SLC17A8: variants seen among roughly 807,000 people sequenced by gnomAD.
SLC17A8 encodes the protein solute carrier family 17 member 8.
In SLC17A8, 31 loss-of-function variants were observed where a neutral mutation model predicts 58.0. That is an observed-to-expected ratio of 0.53 (90% CI 0.40 to 0.72). The LOEUF is 0.72. SLC17A8 is among the 30% of genes least tolerant of loss of function. The probability of loss-of-function intolerance (pLI) is 0.00; values close to 1 mark genes in which losing one functional copy is unlikely to be tolerated. For synonymous variants in SLC17A8, 228 were observed against 249.0 expected (o/e 0.92, Z 0.79); for missense variants, 655 against 727.8 (o/e 0.90, Z 1.15).
At chr12:100,408,170 A>C (rs535504793) in intron 9 of SLC17A8, among the ~76,000 whole-genome samples, 174 of 152,326 alleles carry the variant, frequency 1.1e-3, no homozygotes, top group African/African-American at 4.1e-3. Context: ...TCATCTGAGA[A>C]GGATCACACA....
At chr12:100,369,207 C>A (rs1952542725) in intron 1 of SLC17A8, among the ~76,000 whole-genome samples, 1 of 152,180 alleles carries the variant, frequency 6.6e-6, no homozygotes, top group African/African-American at 2.4e-5. Context: ...ACCCAGGAGG[C>A]AGACGTTGCA....
chr12:100,365,129 T>C (rs1952511166), intron 1 of SLC17A8, among the ~76,000 whole-genome samples: 1 of 152,212 alleles, frequency 6.6e-6, no homozygotes. Context: ...TTCCGTCTTA[T>C]GATGGACAGT....
In SLC17A8 at chr12:100,421,746, A is replaced by G. The variant is rs886048802; in HGVS notation, c.*1587A>G. 1 of 149,528 alleles carries G rather than the reference A, an allele frequency of 6.7e-6. No homozygotes were observed. The highest frequency in any genetic ancestry group is 3.5e-3 in the Middle Eastern group (1 of 288). The allele number at this position is 149,528 out of a possible 1,614,324, so 9.3% of individuals were successfully genotyped here. ...AGCTGAGTTGTAGTGTATTTTATAA[A>G]TGGAATAATCTTGGGGAAAAATTGC... On this transcript the variant is annotated 3_prime_UTR_variant, in exon 12 of 12. Coordinates refer to ENST00000323346, the MANE Select transcript of SLC17A8 (RefSeq NM_139319.3).
intron 1 of SLC17A8, among the ~76,000 whole-genome samples, chr12:100,361,231 A>G (rs139878297): frequency 5.8e-4 from 88 of 152,282 alleles, no homozygotes; most frequent in African/African-American, 2.0e-3. Context: ...TGCCCTTTCA[A>G]TGGCCTTCAA....
In SLC17A8 at chr12:100,420,331, AGCT is replaced by A. The variant is rs1952940100; in HGVS notation, c.*175_*177del. 6.5e-6 allele frequency: 4 copies of A among 612,918 alleles called. No individual in the cohort carries two copies. The East Asian group carries it at 1.1e-4, about 17-fold the overall frequency. The allele number at this position is 612,918 out of a possible 1,614,324, so 38.0% of individuals were successfully genotyped here. A position where few individuals can be genotyped will look rare whatever the true frequency, so the allele number is the denominator to read the frequency against. The stretch of plus-strand genomic sequence containing the variant: ...CTTTCAATGACATGTATAGGTAAGG[AGCT>A]GCGCTCAGTTGATAACATAGTTGAT... On this transcript the variant is annotated 3_prime_UTR_variant, in exon 12 of 12. Coordinates refer to ENST00000323346, the MANE Select transcript of SLC17A8 (RefSeq NM_139319.3).
intron 5 of SLC17A8, 127 bp downstream of exon 5, chr12:100,396,544 T>C: frequency 1.4e-6 from 1 of 723,412 alleles, no homozygotes; most frequent in Non-Finnish European, 2.5e-6. Flanking sequence ...AGCCCAGGAG[T>C]TCGAGATCAG....
chr12:100,387,027 T>G (rs1952680351), intron 2 of SLC17A8, among the ~76,000 whole-genome samples: 1 of 152,170 alleles, frequency 6.6e-6, no homozygotes. Flanking sequence ...CATTCAGGTT[T>G]TTTCCACGTC....
intron 2 of SLC17A8, among the ~76,000 whole-genome samples, chr12:100,381,198 A>C (rs561861577): frequency 1.3e-5 from 2 of 152,238 alleles, no homozygotes; most frequent in South Asian, 2.1e-4. Flanking sequence ...AATCCTGAGG[A>C]AACTGTTGAC....
chr12:100,400,586 CTA>C (rs947291796), intron 5 of SLC17A8, among the ~76,000 whole-genome samples: 1 of 152,162 alleles, frequency 6.6e-6, no homozygotes, highest in Non-Finnish European at 1.5e-5. Context: ...GTGATTTAAT[CTA>C]TTTCTCTGGA....
chr12:100,414,924 A>G (rs1398208062), intron 10 of SLC17A8, among the ~76,000 whole-genome samples: 1 of 152,234 alleles, frequency 6.6e-6, no homozygotes, highest in African/African-American at 2.4e-5. Context: ...CTGCTGCTGC[A>G]GGGCAGTCCA....
chr12:100,357,520 C>T (rs1952455307), intron 1 of SLC17A8, 28 bp downstream of exon 1: 1 of 1,426,336 alleles, frequency 7.0e-7, no homozygotes, highest in Non-Finnish European at 9.9e-7. Flanking sequence ...ACTTTAGTTC[C>T]TTTCTGAGTA....
chr12:100,380,595 C>T (rs1952627978), intron 1 of SLC17A8, 106 bp from the exon 2 acceptor site: 1 of 1,216,624 alleles, frequency 8.2e-7, no homozygotes, highest in Non-Finnish European at 1.2e-6. Flanking sequence ...TATGGGTCTT[C>T]CTTTTTGTTT....
At chr12:100,408,068 G>T (rs1952839482) in intron 9 of SLC17A8, among the ~76,000 whole-genome samples, 1 of 152,216 alleles carries the variant, frequency 6.6e-6, no homozygotes, top group South Asian at 2.1e-4. Flanking sequence ...AAGAATGCAG[G>T]TTGATTTGGA....
rs1465037801 is a variant in SLC17A8 at position 100,421,172 on chromosome 12, T to A, written c.*1013T>A. 1 of 152,204 alleles carries A rather than the reference T, an allele frequency of 6.6e-6. No individual in the cohort carries two copies. Among genetic ancestry groups the A allele is most frequent in the Non-Finnish European group, 1.5e-5 (1 of 68,022 alleles). The allele number at this position is 152,204 out of a possible 1,614,324, so 9.4% of individuals were successfully genotyped here. A position where few individuals can be genotyped will look rare whatever the true frequency, so the allele number is the denominator to read the frequency against. On this transcript the variant is annotated 3_prime_UTR_variant, in exon 12 of 12. Transcript: ENST00000323346. The stretch of plus-strand genomic sequence containing the variant: ...ATGTCCCAAACTACTTACAAACTTT[T>A]AAGACATTTAATAATTTAAGAAGTA...
chr12:100,377,145 G>A (rs538797807), intron 1 of SLC17A8, among the ~76,000 whole-genome samples: 18 of 152,178 alleles, frequency 1.2e-4, no homozygotes, highest in African/African-American at 4.3e-4. Flanking sequence ...TAAGTTACAC[G>A]TATTTGGTTG....
At chr12:100,384,138 A>G (rs781191448) in intron 2 of SLC17A8, among the ~76,000 whole-genome samples, 41 of 152,366 alleles carry the variant, frequency 2.7e-4, no homozygotes, top group Non-Finnish European at 5.0e-4. Context: ...GGAAAAGTCC[A>G]AAGTTCTTCC....
At chr12:100,367,236 C>T (rs1345589457) in intron 1 of SLC17A8, among the ~76,000 whole-genome samples, 1 of 152,216 alleles carries the variant, frequency 6.6e-6, no homozygotes. Context: ...AAAGAGAGAC[C>T]TTTTAATTGA....
intron 1 of SLC17A8, among the ~76,000 whole-genome samples, chr12:100,366,679 T>C (rs1952522875): frequency 6.6e-6 from 1 of 152,212 alleles, no homozygotes; most frequent in Non-Finnish European, 1.5e-5. Flanking sequence ...GTCTTTGGAT[T>C]CTGGCCTAGA....
chr12:100,373,017 T>G (rs1165701089), intron 1 of SLC17A8, among the ~76,000 whole-genome samples: 1 of 152,208 alleles, frequency 6.6e-6, no homozygotes, highest in Non-Finnish European at 1.5e-5. Context: ...GTTCTTTAAG[T>G]GCCTAAGGAC....
Sources: allele counts gnomAD v4.1 joint callset (sites outside exome capture counted in the v4.1 genomes callset), GRCh38; gene constraint gnomAD v4.1.1; transcripts MANE v1.5; gene names NCBI Gene and HGNC (gene_info 2026-07-23, HGNC 2026-07-21).